The following ROBO1 variants were observed in gnomAD, a reference collection of about 807,000 sequenced individuals.
ROBO1 encodes the protein roundabout guidance receptor 1, also known as roundabout homolog 1.
Under a neutral mutation model 195.9 loss-of-function variants are expected in ROBO1, and 149 were observed. The observed-to-expected ratio is 0.76, with a 90% confidence interval of 0.67 to 0.87. The LOEUF (loss-of-function observed/expected upper bound fraction) is 0.87, where lower values mean the gene tolerates loss of function less well. Among genes scored for constraint, ROBO1 ranks in the 40% least tolerant of loss-of-function variants. The pLI, the probability that ROBO1 is intolerant of heterozygous loss-of-function variation, is 0.00. For synonymous variants in ROBO1, 816 were observed against 733.2 expected (o/e 1.11, Z -1.82); for missense variants, 1,933 against 2,068.3 (o/e 0.93, Z 1.27).
intron 1 of ROBO1, among the ~76,000 whole-genome samples, chr3:79,748,013 C>T (rs1703948589): frequency 1.3e-5 from 2 of 151,794 alleles, no homozygotes; most frequent in Non-Finnish European, 2.9e-5. Flanking sequence ...TTTCTATTTG[C>T]TCATAAAAAT....
chr3:78,719,669 G>A (rs151240540), intron 5 of ROBO1, among the ~76,000 whole-genome samples: 7 of 152,198 alleles, frequency 4.6e-5, no homozygotes, highest in South Asian at 4.1e-4. Flanking sequence ...CAGATCCTCA[G>A]CATCAATTTC....
intron 2 of ROBO1, among the ~76,000 whole-genome samples, chr3:79,326,350 C>T (rs2034213409): frequency 6.6e-6 from 1 of 152,134 alleles, no homozygotes. Flanking sequence ...GCTGGTTTTG[C>T]AGCTTGTGGG....
intron 4 of ROBO1, among the ~76,000 whole-genome samples, chr3:78,805,843 C>A (rs1467223506): frequency 6.6e-6 from 1 of 152,076 alleles, no homozygotes; most frequent in Admixed American, 6.6e-5. Context: ...TGTAAACATA[C>A]ATTATTTTAG....
intron 2 of ROBO1, among the ~76,000 whole-genome samples, chr3:79,467,122 T>G (rs1208376640): frequency 6.6e-6 from 1 of 152,098 alleles, no homozygotes; most frequent in Non-Finnish European, 1.5e-5. Context: ...TAGAGCCTCT[T>G]AGGCATGAAA....
At chr3:79,679,848 A>G (rs1054006914) in intron 1 of ROBO1, among the ~76,000 whole-genome samples, 2 of 152,040 alleles carry the variant, frequency 1.3e-5, no homozygotes, top group Non-Finnish European at 2.9e-5. Flanking sequence ...AGAACAATCC[A>G]TTAGTAAAGG....
chr3:79,563,247 T>C (rs1036769179), intron 2 of ROBO1, among the ~76,000 whole-genome samples: 4 of 152,056 alleles, frequency 2.6e-5, no homozygotes, highest in Admixed American at 1.3e-4. Context: ...TTACATAAAA[T>C]TGACACCATG....
At chr3:79,000,218 C>T (rs888687229) in intron 3 of ROBO1, among the ~76,000 whole-genome samples, 1 of 152,100 alleles carries the variant, frequency 6.6e-6, no homozygotes, top group Non-Finnish European at 1.5e-5. Context: ...GAGAAGTGCA[C>T]AGCAAAAGAG....
At chr3:78,890,890 T>A (rs1013104077) in intron 4 of ROBO1, among the ~76,000 whole-genome samples, 4 of 152,000 alleles carry the variant, frequency 2.6e-5, no homozygotes, top group African/African-American at 9.7e-5. Context: ...GCCTCCAGAG[T>A]AGCTAAGATT....
chr3:79,245,631 C>G (rs747275589), intron 2 of ROBO1, among the ~76,000 whole-genome samples: 1 of 151,812 alleles, frequency 6.6e-6, no homozygotes, highest in Non-Finnish European at 1.5e-5. Flanking sequence ...ACCCCCACCC[C>G]ACCCCTCAAA....
At chr3:79,462,029 A>T (rs1937666831) in intron 2 of ROBO1, among the ~76,000 whole-genome samples, 1 of 152,178 alleles carries the variant, frequency 6.6e-6, no homozygotes. Context: ...GTTATAATTA[A>T]ATAAATTATG....
At chr3:79,037,189 T>C (rs567706462) in intron 3 of ROBO1, among the ~76,000 whole-genome samples, 28 of 152,210 alleles carry the variant, frequency 1.8e-4, no homozygotes, top group Non-Finnish European at 4.1e-4. Context: ...CAAAATTTAT[T>C]GATGCTTTCA....
intron 4 of ROBO1, among the ~76,000 whole-genome samples, chr3:78,818,621 G>A (rs1383564913): frequency 6.6e-6 from 1 of 152,206 alleles, no homozygotes; most frequent in Non-Finnish European, 1.5e-5. Flanking sequence ...GCAAGGCCCT[G>A]GGTGCCAGCA....
At position 79,393,829 on chromosome 3, in the gene ROBO1, G is replaced by A. The variant is rs528814355; in HGVS notation, c.88+195995C>T. Among the ~76,000 whole-genome samples, 5 of 152,282 alleles carry A rather than the reference G, an allele frequency of 3.3e-5. No individual in the cohort carries two copies. The East Asian group carries it at 7.7e-4, about 24-fold the overall frequency. On this transcript the variant is annotated intron_variant, in intron 2 of 30. Transcript: ENST00000464233. ...AGGAAAAATACTGTCAGCTTTGATG[G>A]ATGGATACTTGATTTCAAATTTAGT...
In ROBO1 at chr3:78,608,020, T is replaced by TACACACACACACACACACAC. The variant is rs56715450; in HGVS notation, c.4436-999_4436-980dup. On this transcript the variant is annotated intron_variant, in intron 28 of 30. Transcript: ENST00000464233. ...GGTATAAATATATGTTAATTTCATT[T>TACACACACACACACACACAC]ACACACACACACACACACACACACA... Among the ~76,000 whole-genome samples the TACACACACACACACACACAC allele has an allele frequency of 4.1e-3, 615 of 149,846 alleles. 1 individual carries two copies. The highest frequency in any genetic ancestry group is 0.011 in the African/African-American group (469 of 40,842).
intron 1 of ROBO1, among the ~76,000 whole-genome samples, chr3:79,700,347 G>GTGTA (rs1448376764): frequency 6.6e-6 from 1 of 150,570 alleles, no homozygotes; most frequent in African/African-American, 2.4e-5. Flanking sequence ...GTGTGTGTGT[G>GTGTA]TCTTTCTGGG....
chr3:79,061,124 C>T (rs921664101), intron 3 of ROBO1, among the ~76,000 whole-genome samples: 1 of 152,112 alleles, frequency 6.6e-6, no homozygotes, highest in African/African-American at 2.4e-5. Context: ...CCCAAAATCT[C>T]CTTAAGCTGA....
intron 4 of ROBO1, among the ~76,000 whole-genome samples, chr3:78,855,366 T>C (rs329812): frequency 0.25 from 37,970 of 152,116 alleles, 5,468 homozygotes; most frequent in Non-Finnish European, 0.33. Flanking sequence ...GAATTAGATC[T>C]GCTCTTGGAG....
chr3:78,879,547 ATAC>A (rs1369190056), intron 4 of ROBO1, among the ~76,000 whole-genome samples: 1 of 152,036 alleles, frequency 6.6e-6, no homozygotes, highest in Non-Finnish European at 1.5e-5. Flanking sequence ...AAAGAACTAA[ATAC>A]CATCTGTGTA....
At chr3:79,710,184 T>C (rs1359684726) in intron 1 of ROBO1, among the ~76,000 whole-genome samples, 4 of 152,098 alleles carry the variant, frequency 2.6e-5, no homozygotes, top group Admixed American at 1.3e-4. Flanking sequence ...AATTCTAGCA[T>C]AGACCTAATA....
Sources: gnomAD v4.1 joint callset for allele counts (sites outside exome capture counted in the v4.1 genomes callset) on GRCh38, gnomAD v4.1.1 for gene constraint, MANE v1.5 for transcripts, NCBI Gene and HGNC (gene_info 2026-07-23, HGNC 2026-07-21) for gene names.